CLYBL: variants seen among roughly 807,000 people sequenced by gnomAD.
The protein encoded by CLYBL is citramalyl-CoA lyase, mitochondrial.
A neutral mutation model predicts 38.9 loss-of-function variants in CLYBL; 31 were observed. The ratio of observed to expected loss-of-function variants is 0.80; its 90% CI spans 0.60 to 1.08. The LOEUF (loss-of-function observed/expected upper bound fraction) is 1.08, where lower values mean the gene tolerates loss of function less well. Ranked by LOEUF, CLYBL falls within the 50% of genes least tolerant of loss-of-function variation. CLYBL has a pLI of 0.00. For synonymous variants in CLYBL, 171 were observed against 158.6 expected, an observed-to-expected ratio of 1.08 and a Z score of -0.59; for missense variants, 434 against 411.6, an observed-to-expected ratio of 1.05 and a Z score of -0.47.
At chr13:99,684,211 CAG>C (rs1217199988) in intron 1 of CLYBL, among the ~76,000 whole-genome samples, 1 of 111,466 alleles carries the variant, frequency 9.0e-6, no homozygotes, top group African/African-American at 4.0e-5. Context: ...TTTTTTGAGA[CAG>C]ATTCTCTTTC....
At chr13:99,697,863 G>T (rs137936867) in intron 1 of CLYBL, among the ~76,000 whole-genome samples, 1 of 151,840 alleles carries the variant, frequency 6.6e-6, no homozygotes, top group African/African-American at 2.4e-5. Flanking sequence ...GGCCAGGCTG[G>T]TCTCGAACTC....
At chr13:99,621,299 TC>T (rs1566590757) in intron 1 of CLYBL, among the ~76,000 whole-genome samples, 1 of 151,550 alleles carries the variant, frequency 6.6e-6, no homozygotes, top group South Asian at 2.1e-4. Context: ...TCTTTCCATT[TC>T]CCCCCAGGCC....
chr13:99,711,996 T>G (rs2048241550), intron 1 of CLYBL, among the ~76,000 whole-genome samples: 1 of 152,166 alleles, frequency 6.6e-6, no homozygotes, highest in African/African-American at 2.4e-5. Context: ...ATTACAGGCG[T>G]GAGGGAGTCT....
intron 1 of CLYBL, among the ~76,000 whole-genome samples, chr13:99,747,178 G>C (rs1193676510): frequency 6.6e-6 from 1 of 151,958 alleles, no homozygotes; most frequent in African/African-American, 2.4e-5. Flanking sequence ...AAAACAAGGA[G>C]CTTTGCAGAA....
chr13:99,856,172 C>T (rs1044730281), intron 2 of CLYBL, among the ~76,000 whole-genome samples: 2 of 152,154 alleles, frequency 1.3e-5, no homozygotes, highest in African/African-American at 4.8e-5. Flanking sequence ...CATGGCAATC[C>T]GACTTTAGAT....
intron 1 of CLYBL, among the ~76,000 whole-genome samples, chr13:99,614,886 A>T (rs1401854311): frequency 6.6e-6 from 1 of 151,864 alleles, no homozygotes; most frequent in Non-Finnish European, 1.5e-5. Flanking sequence ...CACATGCTTG[A>T]CCCGACTCAA....
intron 1 of CLYBL, among the ~76,000 whole-genome samples, chr13:99,739,747 G>A (rs1256699813): frequency 1.3e-5 from 2 of 152,228 alleles, no homozygotes; most frequent in Non-Finnish European, 2.9e-5. Flanking sequence ...GCCGAGGTGG[G>A]TGGATCACCT....
chr13:99,775,428 G>A lies in CLYBL; in HGVS notation c.249+2418G>A, dbSNP rs73570361. On this transcript the variant is annotated intron_variant, in intron 2 of 8. Coordinates refer to ENST00000339105, the MANE Select transcript of CLYBL (RefSeq NM_206808.5). ...TATGTCCACATCGAGTCTTTACTAG[G>A]ACATTTTCATTCTCCTAATGCAGCT... 5.5e-3 allele frequency among the ~76,000 whole-genome samples: 838 copies of A among 152,190 alleles called. 8 individuals are homozygous for A. Among genetic ancestry groups the A allele is most frequent in the African/African-American group, 0.019 (773 of 41,522 alleles).
At chr13:99,662,424 GATTA>G (rs2047421721) in intron 1 of CLYBL, among the ~76,000 whole-genome samples, 1 of 151,286 alleles carries the variant, frequency 6.6e-6, no homozygotes, top group African/African-American at 2.4e-5. Context: ...TAGAGAATCA[GATTA>G]GTTACTGATG....
chr13:99,789,870 A>G (rs1028361432), intron 2 of CLYBL, among the ~76,000 whole-genome samples: 6 of 152,074 alleles, frequency 3.9e-5, no homozygotes, highest in Non-Finnish European at 8.8e-5. Flanking sequence ...TGCTTTATGA[A>G]TCTGGGTGCT....
At chr13:99,727,350 A>T (rs1416364628) in intron 1 of CLYBL, 2 of 152,010 alleles carry the variant, frequency 1.3e-5, no homozygotes, top group South Asian at 2.1e-4. Context: ...AGAAGAAAGA[A>T]CTTCCTTAAC....
chr13:99,640,149 A>G (rs946111664), intron 1 of CLYBL, among the ~76,000 whole-genome samples: 1 of 152,226 alleles, frequency 6.6e-6, no homozygotes, highest in Non-Finnish European at 1.5e-5. Flanking sequence ...CATGAAAACT[A>G]ATGCCCAAAG....
chr13:99,632,198 A>C (rs959983446), intron 1 of CLYBL, among the ~76,000 whole-genome samples: 1 of 152,250 alleles, frequency 6.6e-6, no homozygotes, highest in African/African-American at 2.4e-5. Context: ...CCAAATCTGC[A>C]TATGAAATTG....
intron 1 of CLYBL, among the ~76,000 whole-genome samples, chr13:99,700,228 G>A (rs1020124913): frequency 7.9e-5 from 12 of 151,954 alleles, no homozygotes; most frequent in Admixed American, 6.6e-5. Flanking sequence ...CGAGGCATGC[G>A]GATCACCTGA....
At chr13:99,881,305 A>G (rs2052202970) in intron 7 of CLYBL, among the ~76,000 whole-genome samples, 1 of 152,380 alleles carries the variant, frequency 6.6e-6, no homozygotes. Flanking sequence ...CTGAATTTCA[A>G]TTCAAAATAT....
At chr13:99,609,474 C>T (rs12427504) in intron 1 of CLYBL, among the ~76,000 whole-genome samples, 38,774 of 151,946 alleles carry the variant, frequency 0.26, 6,087 homozygotes, top group East Asian at 0.58. Context: ...CGTGCCCAGC[C>T]GACCTGTTTT....
intron 1 of CLYBL, among the ~76,000 whole-genome samples, chr13:99,706,427 G>T (rs2048148068): frequency 6.6e-6 from 1 of 152,134 alleles, no homozygotes; most frequent in Non-Finnish European, 1.5e-5. Flanking sequence ...TGGGGTTCCA[G>T]TTATTTCAAG....
At chr13:99,761,941 A>G (rs1285923566) in intron 1 of CLYBL, among the ~76,000 whole-genome samples, 2 of 152,126 alleles carry the variant, frequency 1.3e-5, no homozygotes, top group African/African-American at 2.4e-5. Flanking sequence ...ATTTTTTCAT[A>G]TACTTGGCCA....
At chr13:99,695,311 G>A (rs1026770440) in intron 1 of CLYBL, among the ~76,000 whole-genome samples, 3 of 151,964 alleles carry the variant, frequency 2.0e-5, no homozygotes, top group Admixed American at 1.3e-4. Flanking sequence ...CAAAAGACAG[G>A]TTAACAAGAG....
Sources: allele counts gnomAD v4.1 joint callset (sites outside exome capture counted in the v4.1 genomes callset), GRCh38; gene constraint gnomAD v4.1.1; transcripts MANE v1.5; gene names NCBI Gene and HGNC (gene_info 2026-07-23, HGNC 2026-07-21).